The following ERO1B variants were observed in gnomAD, a reference collection of about 807,000 sequenced individuals.
ERO1B encodes ERO1-like protein beta.
A neutral mutation model predicts 75.3 loss-of-function variants in ERO1B; 49 were observed. The observed-to-expected ratio is 0.65, with a 90% CI of 0.52 to 0.83. The LOEUF (loss-of-function observed/expected upper bound fraction) is 0.83. Ranked by LOEUF, ERO1B falls within the 40% of genes least tolerant of loss-of-function variation. The pLI, the probability that ERO1B is intolerant of heterozygous loss-of-function variation, is 0.00. For synonymous variants in ERO1B, 191 were observed against 192.9 expected (o/e 0.99, Z 0.08); for missense variants, 512 against 560.1 (o/e 0.91, Z 0.87).
intron 4 of ERO1B, among the ~76,000 whole-genome samples, chr1:236,251,001 CA>C (rs1273989767): frequency 6.6e-6 from 1 of 151,728 alleles, no homozygotes; most frequent in Non-Finnish European, 1.5e-5. Flanking sequence ...TTGAAATAGC[CA>C]AAAATTGGGA....
chr1:236,274,261 G>T (rs950061067), intron 1 of ERO1B, among the ~76,000 whole-genome samples: 1 of 152,122 alleles, frequency 6.6e-6, no homozygotes. Flanking sequence ...TGGGATTGCA[G>T]GTGTGAGCCA....
intron 2 of ERO1B, among the ~76,000 whole-genome samples, chr1:236,258,101 G>C (rs1230193752): frequency 1.0e-5 from 1 of 95,430 alleles, no homozygotes; most frequent in African/African-American, 4.1e-5. Context: ...AAGAAAGAAA[G>C]AAGGACAGAA....
In ERO1B at chr1:236,268,676, G is replaced by T. The variant is rs147922280; in HGVS notation, c.222+1199C>A. On this transcript the variant is annotated intron_variant, in intron 2 of 15. Transcript: ENST00000354619. ...CCAAGGCGGGCGGATCACAAGGTCA[G>T]GAGATCAAGACCATCCTGGCTAACA... Among the ~76,000 whole-genome samples, 951 of 150,754 alleles carry T rather than the reference G, an allele frequency of 6.3e-3. 8 individuals carry two copies. The highest frequency in any genetic ancestry group is 0.022 in the African/African-American group (911 of 41,076).
chr1:236,219,172 A>G (rs1346410237), intron 15 of ERO1B, among the ~76,000 whole-genome samples: 1 of 152,172 alleles, frequency 6.6e-6, no homozygotes, highest in Non-Finnish European at 1.5e-5. Context: ...ATCTTTAACT[A>G]TTTGATAGAA....
chr1:236,253,461 G>A lies in ERO1B; in HGVS notation c.267C>T (p.His89=). 2 of 1,611,250 alleles carry A rather than the reference G, an allele frequency of 1.2e-6. No individual in the cohort carries two copies. Among genetic ancestry groups the A allele is most frequent in the East Asian group, 2.2e-5 (1 of 44,866 alleles). Residue 89 remains histidine, a synonymous_variant, in exon 3 of 16, where the codon CAC becomes CAT. Coordinates refer to ENST00000354619, the MANE Select transcript of ERO1B (RefSeq NM_019891.4). ...CCACATGACAGTCTTTTATTGAACA[G>A]TGGCCATCTTCTGCCCAGAAAGGAC... The part of the protein sequence containing the change: ...RPCPFWAEDG[H]CSIKDCHVEP...
intron 3 of ERO1B, among the ~76,000 whole-genome samples, chr1:236,252,544 C>T (rs1340118766): frequency 1.3e-5 from 2 of 152,150 alleles, no homozygotes; most frequent in Admixed American, 6.6e-5. Context: ...TTTTGGCCCA[C>T]ACGATTAACC....
At chr1:236,257,686 G>A (rs1212255880) in intron 2 of ERO1B, among the ~76,000 whole-genome samples, 6 of 151,820 alleles carry the variant, frequency 4.0e-5, no homozygotes, top group Non-Finnish European at 7.4e-5. Flanking sequence ...GGAGTGCGAT[G>A]CATGAACAAA....
At position 236,257,560 on chromosome 1, in the gene ERO1B, C is replaced by CA. The variant is rs57151086; in HGVS notation, c.223-4056dup. 4.5e-3 allele frequency among the ~76,000 whole-genome samples: 566 copies of CA among 125,516 alleles called. 7 individuals carry two copies. The highest frequency in any genetic ancestry group is 0.021 in the Middle Eastern group (5 of 238). 82.3% of individuals were successfully genotyped at this position (125,516 alleles called of 152,430 possible). A position where few individuals can be genotyped will look rare whatever the true frequency, so the allele number is the denominator to read the frequency against. Reference sequence around the variant, plus strand: ...AATGAAGAAATAGGGAAATATGCTCCAAAAAAAAAAAAGAACAAGACAATC... The same window carrying CA: ...AATGAAGAAATAGGGAAATATGCTCCAAAAAAAAAAAAAGAACAAGACAATC... On this transcript the variant is annotated intron_variant, in intron 2 of 15. Transcript: ENST00000354619.
intron 2 of ERO1B, among the ~76,000 whole-genome samples, chr1:236,253,778 C>T (rs1572055930): frequency 6.6e-6 from 1 of 152,212 alleles, no homozygotes; most frequent in East Asian, 1.9e-4. Context: ...CTCATGCACC[C>T]ATTTATTCAA....
At chr1:236,244,987 G>A (rs1441153161) in intron 5 of ERO1B, among the ~76,000 whole-genome samples, 2 of 151,892 alleles carry the variant, frequency 1.3e-5, no homozygotes, top group Admixed American at 1.3e-4. Flanking sequence ...CTTTCTGGGA[G>A]TGATAAATAT....
At chr1:236,279,152 T>A (rs995441558) in intron 1 of ERO1B, among the ~76,000 whole-genome samples, 1 of 152,220 alleles carries the variant, frequency 6.6e-6, no homozygotes, top group African/African-American at 2.4e-5. Flanking sequence ...ATTACCTCAA[T>A]GGTCCCACTT....
At chr1:236,228,841 G>A (rs1664335049) in intron 10 of ERO1B, among the ~76,000 whole-genome samples, 1 of 152,128 alleles carries the variant, frequency 6.6e-6, no homozygotes, top group Non-Finnish European at 1.5e-5. Flanking sequence ...TTGGAACCAT[G>A]TATCAATATT....
intron 6 of ERO1B, among the ~76,000 whole-genome samples, chr1:236,241,365 G>A (rs918903329): frequency 6.6e-6 from 1 of 150,546 alleles, no homozygotes; most frequent in Non-Finnish European, 1.5e-5. Flanking sequence ...CCAACATGGC[G>A]AAACCCTGTC....
rs1281202854 is a variant in ERO1B, at chr1:236,226,636, AAT to A, written c.805+9_805+10del. ...ATAGAAGGCAAAATCTCGACTTAAA[AAT>A]ATGATTACCTTCCAAAAGATAATTT... On this transcript the variant is annotated intron_variant, in intron 11 of 15. Transcript: ENST00000354619. 6.2e-7 allele frequency: 1 copy of A among 1,606,378 alleles called. No homozygotes were observed. The highest frequency in any genetic ancestry group is 2.2e-5 in the East Asian group (1 of 44,802).
At chr1:236,229,128 TACAA>T (rs945196529) in intron 10 of ERO1B, among the ~76,000 whole-genome samples, 19 of 152,258 alleles carry the variant, frequency 1.2e-4, no homozygotes, top group African/African-American at 4.3e-4. Flanking sequence ...CATAGTTCAT[TACAA>T]ACAAAGAAAT....
intron 8 of ERO1B, among the ~76,000 whole-genome samples, chr1:236,233,914 C>T (rs1572037780): frequency 6.6e-6 from 1 of 152,270 alleles, no homozygotes; most frequent in East Asian, 1.9e-4. Context: ...GGCTCTAGGG[C>T]AACACAGCAG....
Position 236,236,404 on chromosome 1 carries a change from C to CATCTCA in ERO1B, c.506-7_506-6insTGAGAT. ...AGCAGCTGGAGATCTCTCATCTGAA[C>CATCTCA]AAGAAAAAATTCATAAAAACCATCC... On this transcript the variant is annotated splice_polypyrimidine_tract_variant and splice_region_variant and intron_variant, in intron 6 of 15. Transcript: ENST00000354619. 6.2e-7 allele frequency: 1 copy of CATCTCA among 1,612,640 alleles called. No individual in the cohort carries two copies. Among genetic ancestry groups the CATCTCA allele is most frequent in the South Asian group, 1.1e-5 (1 of 90,944 alleles).
At chr1:236,279,798 A>G (rs1371258577) in intron 1 of ERO1B, among the ~76,000 whole-genome samples, 1 of 151,252 alleles carries the variant, frequency 6.6e-6, no homozygotes, top group Non-Finnish European at 1.5e-5. Context: ...GTGAGCCAAC[A>G]CATGCCATTG....
chr1:236,268,730 C>A (rs1281750595), intron 2 of ERO1B, among the ~76,000 whole-genome samples: 3 of 151,310 alleles, frequency 2.0e-5, no homozygotes, highest in Non-Finnish European at 4.4e-5. Context: ...ACTAAAAATA[C>A]AAAATATTAG....
Sources: allele counts gnomAD v4.1 joint callset (sites outside exome capture counted in the v4.1 genomes callset), GRCh38; gene constraint gnomAD v4.1.1; transcripts MANE v1.5; gene names NCBI Gene and HGNC (gene_info 2026-07-23, HGNC 2026-07-21).